ZFHX3: variants seen among roughly 807,000 people sequenced by gnomAD.
ZFHX3 encodes the protein zinc finger homeobox protein 3.
In ZFHX3, 42 loss-of-function variants were observed where a neutral mutation model predicts 279.1. That is an observed-to-expected ratio of 0.15 (90% confidence interval 0.12 to 0.19). ZFHX3 has a LOEUF of 0.19. Among genes scored for constraint, ZFHX3 ranks in the 10% least tolerant of loss-of-function variants. ZFHX3 has a pLI of 1.00. For missense variants in ZFHX3, 4,981 were observed against 4,754.0 expected, an observed-to-expected ratio of 1.05 and a Z score of -1.40; for synonymous variants, 2,293 against 1,957.8, an observed-to-expected ratio of 1.17 and a Z score of -4.52.
chr16:73,271,672 A>C (rs1458668521), intron 4 of ZFHX3, among the ~76,000 whole-genome samples: 1 of 152,264 alleles, frequency 6.6e-6, no homozygotes, highest in Non-Finnish European at 1.5e-5. Context: ...GAGGATGGTT[A>C]AGTTTCTGCT....
chr16:73,698,089 T>C (rs1475250950), intron 1 of ZFHX3, among the ~76,000 whole-genome samples: 1 of 152,136 alleles, frequency 6.6e-6, no homozygotes, highest in African/African-American at 2.4e-5. Context: ...GTTTTAAGTT[T>C]AGTTAATTGC....
intron 5 of ZFHX3, among the ~76,000 whole-genome samples, chr16:73,154,208 T>C (rs1219576648): frequency 6.6e-6 from 1 of 152,214 alleles, no homozygotes; most frequent in Non-Finnish European, 1.5e-5. Context: ...CCACGTGACA[T>C]GGCTCCTTGC....
intron 3 of ZFHX3, among the ~76,000 whole-genome samples, chr16:72,918,629 G>C (rs1029250207): frequency 2.0e-5 from 3 of 151,668 alleles, no homozygotes; most frequent in Admixed American, 6.6e-5. Flanking sequence ...AGGTGGCCCT[G>C]GACTCCTTTG....
intron 1 of ZFHX3, among the ~76,000 whole-genome samples, chr16:73,845,492 C>G (rs146432293): frequency 7.3e-5 from 11 of 151,622 alleles, no homozygotes; most frequent in Middle Eastern, 3.4e-3. Flanking sequence ...ACTGGAATGA[C>G]AGTAATTCAC....
intron 5 of ZFHX3, among the ~76,000 whole-genome samples, chr16:73,224,979 G>A (rs553893224): frequency 2.1e-4 from 32 of 152,138 alleles, no homozygotes; most frequent in African/African-American, 7.5e-4. Context: ...CCCTATTTCT[G>A]TGTCACCTTC....
chr16:73,318,476 A>G (rs2015504228), intron 3 of ZFHX3: 1 of 152,230 alleles, frequency 6.6e-6, no homozygotes, highest in South Asian at 2.1e-4. Flanking sequence ...CCAAAGATGC[A>G]ATTAGGCTTT....
intron 1 of ZFHX3, among the ~76,000 whole-genome samples, chr16:73,001,894 G>C (rs185424657): frequency 2.0e-5 from 3 of 152,118 alleles, no homozygotes; most frequent in Admixed American, 2.0e-4. Context: ...ACTTAGGCCA[G>C]ACTGACTCTC....
At chr16:73,740,323 A>T (rs2142259032) in intron 1 of ZFHX3, among the ~76,000 whole-genome samples, 1 of 152,252 alleles carries the variant, frequency 6.6e-6, no homozygotes, top group East Asian at 1.9e-4. Context: ...GACTGAGCAG[A>T]TACGAGGCAG....
chr16:72,795,486 T>C lies in ZFHX3; in HGVS notation c.7196A>G (p.Asn2399Ser), dbSNP rs776903729. The C allele has an allele frequency of 1.2e-5, 20 of 1,614,050 alleles. No homozygotes were observed. The highest frequency in any genetic ancestry group is 1.1e-4 in the East Asian group (5 of 44,888). The change falls in exon 9 of 10, where the codon AAT becomes AGT. Residue 2399 changes from asparagine to serine, a missense_variant. By Grantham distance (46) the Asn-to-Ser change is conservative. Transcript: ENST00000268489. ...CAAGAAAGCGGAGGAAGCTGTATTATTGGCTGATGGTGCTGGGGCGCTGTA... is the reference window on the plus strand; with the variant it reads ...CAAGAAAGCGGAGGAAGCTGTATTACTGGCTGATGGTGCTGGGGCGCTGTA... Reference protein sequence around the residue: ...QAYSAPAPSANNTASSAFLQL... With the variant: ...QAYSAPAPSASNTASSAFLQL...
intron 3 of ZFHX3, among the ~76,000 whole-genome samples, chr16:73,342,273 G>A (rs1010549097): frequency 9.9e-5 from 15 of 152,110 alleles, no homozygotes; most frequent in African/African-American, 3.4e-4. Flanking sequence ...ACAAAACTAC[G>A]TATTTGTACA....
intron 4 of ZFHX3, among the ~76,000 whole-genome samples, chr16:73,309,888 G>A (rs1167146400): frequency 6.8e-6 from 1 of 146,396 alleles, no homozygotes; most frequent in African/African-American, 2.6e-5. Flanking sequence ...ACATGCTTTG[G>A]GACTCGTTTT....
At chr16:73,240,512 C>T (rs963006041) in intron 5 of ZFHX3, among the ~76,000 whole-genome samples, 9 of 152,098 alleles carry the variant, frequency 5.9e-5, no homozygotes, top group Non-Finnish European at 1.3e-4. Context: ...AGCCACTGTG[C>T]CCAGCGTTGC....
At chr16:73,322,568 C>T (rs7205486) in intron 3 of ZFHX3, among the ~76,000 whole-genome samples, 32,884 of 152,086 alleles carry the variant, frequency 0.22, 4,104 homozygotes, top group African/African-American at 0.34. Flanking sequence ...TCTCGGTTTC[C>T]AATCTTCCCC....
intron 2 of ZFHX3, among the ~76,000 whole-genome samples, chr16:73,616,388 A>C (rs1042760827): frequency 7.2e-6 from 1 of 139,212 alleles, no homozygotes; most frequent in African/African-American, 2.7e-5. Context: ...GTCTAAGTGG[A>C]GCATACTAGA....
upstream of ZFHX3, among the ~76,000 whole-genome samples, chr16:73,050,498 A>G (rs933491197): frequency 6.6e-6 from 1 of 152,252 alleles, no homozygotes; most frequent in Non-Finnish European, 1.5e-5. Flanking sequence ...CATTATGGAA[A>G]TGAGGGACTA....
chr16:72,788,988 A>G (rs961272961), intron 9 of ZFHX3, 140 bp from the exon 10 acceptor site: 7 of 1,291,966 alleles, frequency 5.4e-6, no homozygotes, highest in Non-Finnish European at 6.2e-6. Context: ...CATTTCCAAC[A>G]GAAGTATCCC....
At chr16:73,053,477 G>A (rs547721242) in intron 1 of ZFHX3, among the ~76,000 whole-genome samples, 36 of 152,166 alleles carry the variant, frequency 2.4e-4, no homozygotes, top group South Asian at 1.2e-3. Context: ...AAGGTTTTTC[G>A]GTGGGTGGGG....
intron 3 of ZFHX3, among the ~76,000 whole-genome samples, chr16:73,345,778 C>A (rs986419062): frequency 6.6e-6 from 1 of 151,942 alleles, no homozygotes; most frequent in African/African-American, 2.4e-5. Context: ...TGGCTGAGAC[C>A]CAGCTATTTT....
intron 4 of ZFHX3, among the ~76,000 whole-genome samples, chr16:72,858,089 G>A (rs951928744): frequency 3.9e-5 from 6 of 152,170 alleles, no homozygotes; most frequent in Non-Finnish European, 8.8e-5. Context: ...GGGCTCTGAC[G>A]GCAGGGGTGG....
Sources: allele counts gnomAD v4.1 joint callset (sites outside exome capture counted in the v4.1 genomes callset), GRCh38; gene constraint gnomAD v4.1.1; transcripts MANE v1.5; gene names NCBI Gene and HGNC (gene_info 2026-07-23, HGNC 2026-07-21).